ID4: variants seen among roughly 807,000 people sequenced by gnomAD.
ID4 encodes the protein inhibitor of DNA binding 4, also known as DNA-binding protein inhibitor ID-4.
Under a neutral mutation model 8.6 loss-of-function variants are expected in ID4, and 9 were observed. The ratio of observed to expected loss-of-function variants is 1.04; its 90% confidence interval spans 0.63 to 1.82. The LOEUF (loss-of-function observed/expected upper bound fraction) is 1.82. Ranked by LOEUF, ID4 falls within the 40% of genes most tolerant of loss-of-function variation. The pLI is 0.00. For synonymous variants in ID4, 180 were observed against 118.0 expected, an observed-to-expected ratio of 1.53 and a Z score of -3.41; for missense variants, 270 against 235.1, an observed-to-expected ratio of 1.15 and a Z score of -0.97.
chr6:19,840,779 G>C lies in ID4; in HGVS notation c.*1584G>C, dbSNP rs568556034. 1 of 152,168 alleles carries C rather than the reference G, an allele frequency of 6.6e-6. No individual in the cohort carries two copies. Among genetic ancestry groups the C allele is most frequent in the South Asian group, 2.1e-4 (1 of 4,810 alleles). The allele number at this position is 152,168 out of a possible 1,614,324, so 9.4% of individuals were successfully genotyped here. On this transcript the variant is annotated 3_prime_UTR_variant, in exon 3 of 3. Coordinates refer to ENST00000378700, the MANE Select transcript of ID4 (RefSeq NM_001546.4). Reference sequence around the variant, plus strand: ...AAGGAAGGTAATATTTTCTAGGTTAGATAGGACTATCAGGGTTTGTGAACA... The same window carrying C: ...AAGGAAGGTAATATTTTCTAGGTTACATAGGACTATCAGGGTTTGTGAACA...
At position 19,840,485 on chromosome 6, in the gene ID4, A is replaced by G. The variant is rs756751927; in HGVS notation, c.*1290A>G. ...AACAGTGGGAGAAAAAAAAGGCATAATGGCAAATCCTTCAAGCAGGGATAA... is the reference window on the plus strand; with the variant it reads ...AACAGTGGGAGAAAAAAAAGGCATAGTGGCAAATCCTTCAAGCAGGGATAA... On this transcript the variant is annotated 3_prime_UTR_variant, in exon 3 of 3. Coordinates refer to ENST00000378700, the MANE Select transcript of ID4 (RefSeq NM_001546.4). 1 of 152,596 alleles carries G rather than the reference A, an allele frequency of 6.6e-6. No homozygotes were observed. Among genetic ancestry groups the G allele is most frequent in the Non-Finnish European group, 1.5e-5 (1 of 67,994 alleles). The allele number at this position is 152,596 out of a possible 1,614,324, so 9.5% of individuals were successfully genotyped here. A position where few individuals can be genotyped will look rare whatever the true frequency, so the allele number is the denominator to read the frequency against.
In ID4 at chr6:19,837,653, G is replaced by C. The variant is rs1036541172; in HGVS notation, c.-102G>C. 8 of 824,714 alleles carry C rather than the reference G, an allele frequency of 9.7e-6. No individual in the cohort carries two copies. In the African/African-American group the frequency reaches 1.1e-4, roughly 11 times the overall value. The allele number at this position is 824,714 out of a possible 1,614,324, so 51.1% of individuals were successfully genotyped here. On this transcript the variant is annotated 5_prime_UTR_variant, in exon 1 of 3. Transcript: ENST00000378700. ...CGGTGCCCCGAGCGCGCCGGGCGCG[G>C]AGGCAAAGGGAGCGGAGCCGGCCGC...
At position 19,841,493 on chromosome 6, in the gene ID4, G is replaced by C. The variant is rs1233494940; in HGVS notation, c.*2298G>C. Among the ~76,000 whole-genome samples the C allele has an allele frequency of 6.6e-6, 1 of 152,106 alleles. No homozygotes were observed. Among genetic ancestry groups the C allele is most frequent in the Non-Finnish European group, 1.5e-5 (1 of 68,006 alleles). On this transcript the variant is annotated 3_prime_UTR_variant, in exon 3 of 3. Coordinates refer to ENST00000378700, the MANE Select transcript of ID4 (RefSeq NM_001546.4). Reference sequence around the variant, plus strand: ...AACCCTACCTAAGCCTTTTGGCGCAGTTTAAAACTTATACTGGTGGACTGT... The same window carrying C: ...AACCCTACCTAAGCCTTTTGGCGCACTTTAAAACTTATACTGGTGGACTGT...
rs1761360898 is a variant in ID4, at chr6:19,841,647, A to AT, written c.*2456dup. 6.6e-6 allele frequency among the ~76,000 whole-genome samples: 1 copy of AT among 152,194 alleles called. No individual in the cohort carries two copies. The highest frequency in any genetic ancestry group is 1.5e-5 in the Non-Finnish European group (1 of 68,022). On this transcript the variant is annotated 3_prime_UTR_variant, in exon 3 of 3. Transcript: ENST00000378700. ...AGATACTACATTTCAAAGAGTTGGC[A>AT]TTTTCCCTTTGGCCACTCAAGCAGC... is the stretch of plus-strand genomic sequence containing the variant.
Position 19,837,768 on chromosome 6 carries a change from G to C in ID4, c.14G>C (p.Ser5Thr), listed in dbSNP as rs1457845577. Residue 5 changes from serine (S) to threonine (T), a missense_variant, in exon 1 of 3, where the codon AGC becomes ACC. Physicochemically the swap from Ser to Thr is moderately conservative, Grantham distance 58. Transcript: ENST00000378700. ...AGGGCGCGCGCGATGAAGGCGGTGAGCCCGGTGCGCCCCTCGGGCCGCAAG... is the reference window on the plus strand; with the variant it reads ...AGGGCGCGCGCGATGAAGGCGGTGACCCCGGTGCGCCCCTCGGGCCGCAAG... Reference protein sequence around the residue: MKAVSPVRPSGRKAP... With the variant: MKAVTPVRPSGRKAP... 1 of 1,126,430 alleles carries C rather than the reference G, an allele frequency of 8.9e-7. No individual in the cohort carries two copies. Among genetic ancestry groups the C allele is most frequent in the Non-Finnish European group, 1.1e-6 (1 of 921,156 alleles). The allele number at this position is 1,126,430 out of a possible 1,614,324, so 69.8% of individuals were successfully genotyped here.
chr6:19,838,771 TC>T, intron 2 of ID4, 129 bp downstream of exon 2: 1 of 704,738 alleles, frequency 1.4e-6, no homozygotes, highest in Non-Finnish European at 2.4e-6. Context: ...AGGAAGTAAA[TC>T]CCCTCTCTCC....
At position 19,838,523 on chromosome 6, in the gene ID4, C is replaced by T. The variant is rs548845147; in HGVS notation, c.442-61C>T. The T allele has an allele frequency of 1.9e-6, 3 of 1,604,800 alleles. No homozygotes were observed. In the South Asian group the frequency reaches 3.3e-5, roughly 18 times the overall value. The stretch of plus-strand genomic sequence containing the variant: ...CTGATTTCCGAGGACAATCCAGGAC[C>T]GTGTCGAGCGCGTTGTTTGCGCCTG... On this transcript the variant is annotated intron_variant, in intron 1 of 2. Coordinates refer to ENST00000378700, the MANE Select transcript of ID4 (RefSeq NM_001546.4).
rs937330161 is a variant in ID4 at position 19,837,643 on chromosome 6, G to T, written c.-112G>T. ...GGGAGTGTCGCGGTGCCCCGAGCGC[G>T]CCGGGCGCGGAGGCAAAGGGAGCGG... On this transcript the variant is annotated 5_prime_UTR_variant, in exon 1 of 3. Transcript: ENST00000378700. The T allele has an allele frequency of 5.6e-6, 4 of 708,416 alleles. No homozygotes were observed. The highest frequency in any genetic ancestry group is 7.1e-6 in the Non-Finnish European group (4 of 561,412). 43.9% of individuals were successfully genotyped at this position (708,416 alleles called of 1,614,324 possible). A position where few individuals can be genotyped will look rare whatever the true frequency, so the allele number is the denominator to read the frequency against.
chr6:19,838,727 C>T (rs1212184065), intron 2 of ID4, 85 bp downstream of exon 2: 5 of 1,219,360 alleles, frequency 4.1e-6, no homozygotes, highest in African/African-American at 3.0e-5. Flanking sequence ...CCGCGGTGTT[C>T]TTTGCCCCCA....
chr6:19,839,068 G>A, intron 2 of ID4, 142 bp from the exon 3 acceptor site: 1 of 212,196 alleles, frequency 4.7e-6, no homozygotes, highest in Non-Finnish European at 9.5e-6. Context: ...CTCGGCGCCT[G>A]GCCCGGCCGC....
chr6:19,837,668 G>A lies in ID4; in HGVS notation c.-87G>A, dbSNP rs1049326310. ...GCCGGGCGCGGAGGCAAAGGGAGCGGAGCCGGCCGCGGACGGGGCCCGGAG... is the reference window on the plus strand; with the variant it reads ...GCCGGGCGCGGAGGCAAAGGGAGCGAAGCCGGCCGCGGACGGGGCCCGGAG... On this transcript the variant is annotated 5_prime_UTR_variant, in exon 1 of 3. Transcript: ENST00000378700. 6.3e-6 allele frequency: 6 copies of A among 958,586 alleles called. No individual in the cohort carries two copies. The highest frequency in any genetic ancestry group is 9.9e-5 in the South Asian group (2 of 20,256). The allele number at this position is 958,586 out of a possible 1,614,324, so 59.4% of individuals were successfully genotyped here.
At position 19,837,525 on chromosome 6, in the gene ID4, T is replaced by A. The variant is rs1164105082; in HGVS notation, c.-230T>A. On this transcript the variant is annotated 5_prime_UTR_variant, in exon 1 of 3. Coordinates refer to ENST00000378700, the MANE Select transcript of ID4 (RefSeq NM_001546.4). The stretch of plus-strand genomic sequence containing the variant: ...CTACTTTTCTTCCGGTGCTTTTGCT[T>A]TTTTTTTCCTTTGGGCTCGGGCTGA... The A allele has an allele frequency of 8.9e-6, 1 of 112,006 alleles. No individual in the cohort carries two copies. The highest frequency in any genetic ancestry group is 4.3e-4 in the South Asian group (1 of 2,334). The allele number at this position is 112,006 out of a possible 1,614,324, so 6.9% of individuals were successfully genotyped here.
At position 19,838,594 on chromosome 6, in the gene ID4, T is replaced by C; in HGVS notation, c.452T>C (p.Val151Ala). 2 of 1,613,884 alleles carry C rather than the reference T, an allele frequency of 1.2e-6. No homozygotes were observed. The highest frequency in any genetic ancestry group is 1.3e-5 in the African/African-American group (1 of 75,010). The part of the protein sequence containing the change: ...TALNTDPAGA[V>A]NKQGDSILCR The stretch of plus-strand genomic sequence containing the variant: ...CGGTTGCTGTTCCAGGCCGGCGCGG[T>C]GAACAAGCAGGGCGACAGCATTCTG... The change falls in exon 2 of 3, where the codon GTG (valine) becomes GCG (alanine). Residue 151 changes from valine to alanine, a missense_variant. Val to Ala is a moderately conservative substitution (Grantham distance 64, BLOSUM62 0). Coordinates refer to ENST00000378700, the MANE Select transcript of ID4 (RefSeq NM_001546.4).
At position 19,838,109 on chromosome 6, in the gene ID4, C is replaced by T. The variant is rs779456299; in HGVS notation, c.355C>T (p.Pro119Ser). The change falls in exon 1 of 3, where the codon CCA becomes TCA. Residue 119 changes from proline (P) to serine (S), a missense_variant. By Grantham distance (74) the Pro-to-Ser change is moderately conservative (BLOSUM62 -1). Coordinates refer to ENST00000378700, the MANE Select transcript of ID4 (RefSeq NM_001546.4). ...GCACCCGGCCCTGCTGAGGCAGCCA[C>T]CACCGCCCGCGCCGCCACACCACCC... ...ETHPALLRQP[P>S]PPAPPHHPAG... 1 of 1,590,390 alleles carries T rather than the reference C, an allele frequency of 6.3e-7. No individual in the cohort carries two copies. The highest frequency in any genetic ancestry group is 2.3e-5 in the East Asian group (1 of 43,356).
At position 19,841,029 on chromosome 6, in the gene ID4, A is replaced by C. The variant is rs141475123; in HGVS notation, c.*1834A>C. ...AGGTCAAATTCAGATATTTATATGA[A>C]TATGAAATACCATGGTCCCTAGTAG... On this transcript the variant is annotated 3_prime_UTR_variant, in exon 3 of 3. Coordinates refer to ENST00000378700, the MANE Select transcript of ID4 (RefSeq NM_001546.4). 5.3e-4 allele frequency among the ~76,000 whole-genome samples: 80 copies of C among 152,346 alleles called. No homozygotes were observed. The highest frequency in any genetic ancestry group is 1.8e-3 in the African/African-American group (75 of 41,594).
In ID4 at chr6:19,840,491, A is replaced by G. The variant is rs558877737; in HGVS notation, c.*1296A>G. ...GGGAGAAAAAAAAGGCATAATGGCA[A>G]ATCCTTCAAGCAGGGATAAAAGTCG... On this transcript the variant is annotated 3_prime_UTR_variant, in exon 3 of 3. Transcript: ENST00000378700. The G allele has an allele frequency of 6.5e-6, 1 of 152,716 alleles. No homozygotes were observed. The highest frequency in any genetic ancestry group is 1.5e-5 in the Non-Finnish European group (1 of 67,998). 9.5% of individuals were successfully genotyped at this position (152,716 alleles called of 1,614,324 possible).
In ID4 at chr6:19,837,642, C is replaced by T; in HGVS notation, c.-113C>T. The T allele has an allele frequency of 1.4e-6, 1 of 705,590 alleles. No homozygotes were observed. Among genetic ancestry groups the T allele is most frequent in the Non-Finnish European group, 1.8e-6 (1 of 558,456 alleles). The allele number at this position is 705,590 out of a possible 1,614,324, so 43.7% of individuals were successfully genotyped here. ...CGGGAGTGTCGCGGTGCCCCGAGCGCGCCGGGCGCGGAGGCAAAGGGAGCG... is the reference window on the plus strand; with the variant it reads ...CGGGAGTGTCGCGGTGCCCCGAGCGTGCCGGGCGCGGAGGCAAAGGGAGCG... On this transcript the variant is annotated 5_prime_UTR_variant, in exon 1 of 3. Coordinates refer to ENST00000378700, the MANE Select transcript of ID4 (RefSeq NM_001546.4).
rs1417425157 is a variant in ID4 at position 19,840,753 on chromosome 6, TAAGG to T, written c.*1563_*1566del. 1 of 152,128 alleles carries T rather than the reference TAAGG, an allele frequency of 6.6e-6. No homozygotes were observed. Among genetic ancestry groups the T allele is most frequent in the Non-Finnish European group, 1.5e-5 (1 of 67,998 alleles). The allele number at this position is 152,128 out of a possible 1,614,324, so 9.4% of individuals were successfully genotyped here. A position where few individuals can be genotyped will look rare whatever the true frequency, so the allele number is the denominator to read the frequency against. On this transcript the variant is annotated 3_prime_UTR_variant, in exon 3 of 3. Transcript: ENST00000378700. Reference sequence around the variant, plus strand: ...TTCTTTTAAGGCTCTTTTTTCTCCTTAAGGAAGGTAATATTTTCTAGGTTAGATA... The same window carrying T: ...TTCTTTTAAGGCTCTTTTTTCTCCTTAAGGTAATATTTTCTAGGTTAGATA...
At position 19,841,490 on chromosome 6, in the gene ID4, G is replaced by A. The variant is rs780967273; in HGVS notation, c.*2295G>A. Among the ~76,000 whole-genome samples, 31 of 152,214 alleles carry A rather than the reference G, an allele frequency of 2.0e-4. No individual in the cohort carries two copies. The highest frequency in any genetic ancestry group is 1.0e-3 in the South Asian group (5 of 4,810). On this transcript the variant is annotated 3_prime_UTR_variant, in exon 3 of 3. Coordinates refer to ENST00000378700, the MANE Select transcript of ID4 (RefSeq NM_001546.4). ...CTGAACCCTACCTAAGCCTTTTGGC[G>A]CAGTTTAAAACTTATACTGGTGGAC...
Sources: allele counts gnomAD v4.1 joint callset (sites outside exome capture counted in the v4.1 genomes callset), GRCh38; gene constraint gnomAD v4.1.1; transcripts MANE v1.5; gene names NCBI Gene and HGNC (gene_info 2026-07-23, HGNC 2026-07-21).